Variants in ERBB4 observed in about 807,000 individuals in gnomAD.
ERBB4 encodes the protein erb-b2 receptor tyrosine kinase 4.
In ERBB4, 42 loss-of-function variants were observed where a neutral mutation model predicts 158.0. That is an observed-to-expected ratio of 0.27 (90% CI 0.21 to 0.34). ERBB4 has a LOEUF of 0.34. ERBB4 is among the 10% of genes least tolerant of loss of function. The pLI, the probability that ERBB4 is intolerant of heterozygous loss-of-function variation, is 1.00. For synonymous variants in ERBB4, 583 were observed against 558.7 expected, an observed-to-expected ratio of 1.04 and a Z score of -0.61; for missense variants, 1,333 against 1,624.1, an observed-to-expected ratio of 0.82 and a Z score of 3.08.
intron 19 of ERBB4, among the ~76,000 whole-genome samples, chr2:211,578,609 T>C (rs918229810): frequency 3.3e-5 from 5 of 152,204 alleles, no homozygotes; most frequent in Admixed American, 6.5e-5. Flanking sequence ...AACAGACACA[T>C]AGACCAATGG....
chr2:212,155,619 G>A (rs2081012629), intron 1 of ERBB4, among the ~76,000 whole-genome samples: 1 of 151,906 alleles, frequency 6.6e-6, no homozygotes, highest in Middle Eastern at 3.2e-3. Flanking sequence ...CTTAAACGGC[G>A]ACCACAGAAT....
chr2:212,149,567 T>C (rs754174703), intron 1 of ERBB4, among the ~76,000 whole-genome samples: 51 of 152,204 alleles, frequency 3.4e-4, no homozygotes, highest in Non-Finnish European at 5.3e-4. Flanking sequence ...CAGTAGCATA[T>C]GCAGTTAAAA....
intron 20 of ERBB4, among the ~76,000 whole-genome samples, chr2:211,512,932 T>TC (rs1397132944): frequency 6.6e-6 from 1 of 152,124 alleles, no homozygotes; most frequent in Non-Finnish European, 1.5e-5. Flanking sequence ...TAGAAATTAA[T>TC]CATTGACTGG....
intron 20 of ERBB4, among the ~76,000 whole-genome samples, chr2:211,509,439 C>T (rs955707640): frequency 6.6e-6 from 1 of 151,924 alleles, no homozygotes; most frequent in Non-Finnish European, 1.5e-5. Context: ...ATATACAAAA[C>T]GTAACTCAAG....
At chr2:211,764,644 G>A (rs2075503238) in intron 4 of ERBB4, among the ~76,000 whole-genome samples, 1 of 152,146 alleles carries the variant, frequency 6.6e-6, no homozygotes, top group South Asian at 2.1e-4. Flanking sequence ...TGGGTCTGGA[G>A]CCTAAAAATA....
intron 5 of ERBB4, among the ~76,000 whole-genome samples, chr2:211,734,334 G>C (rs1477152352): frequency 6.6e-6 from 1 of 152,028 alleles, no homozygotes. Context: ...GTTTTGATGA[G>C]GGTGAAGAAT....
At position 211,513,357 on chromosome 2, in the gene ERBB4, CAAAAAA is replaced by C. The variant is rs61042785; in HGVS notation, c.2487+48540_2487+48545del. On this transcript the variant is annotated intron_variant, in intron 20 of 27. Transcript: ENST00000342788. Reference sequence around the variant, plus strand: ...TGGGCGACAGAGCGAGACTCCGTCTCAAAAAAAAAAAAAAAAAAACAAAAAAAAAAC... The same window carrying C: ...TGGGCGACAGAGCGAGACTCCGTCTCAAAAAAAAAAAAACAAAAAAAAAAC... Among the ~76,000 whole-genome samples the C allele has an allele frequency of 1.8e-3, 71 of 39,198 alleles. 1 individual carries two copies. Among genetic ancestry groups the C allele is most frequent in the African/African-American group, 4.4e-3 (67 of 15,136 alleles). The allele number at this position is 39,198 out of a possible 152,430, so 25.7% of individuals were successfully genotyped here. A position where few individuals can be genotyped will look rare whatever the true frequency, so the allele number is the denominator to read the frequency against.
chr2:211,802,354 C>T (rs1232165051), intron 3 of ERBB4, among the ~76,000 whole-genome samples: 1 of 151,962 alleles, frequency 6.6e-6, no homozygotes, highest in African/African-American at 2.4e-5. Context: ...TCACCATTGT[C>T]ACATACATAT....
chr2:212,405,812 G>T (rs2091329497), intron 1 of ERBB4, among the ~76,000 whole-genome samples: 1 of 152,036 alleles, frequency 6.6e-6, no homozygotes, highest in South Asian at 2.1e-4. Flanking sequence ...AATTTCAGTT[G>T]TCTTTCAACT....
intron 3 of ERBB4, among the ~76,000 whole-genome samples, chr2:211,899,906 T>C (rs558815499): frequency 5.5e-4 from 84 of 152,248 alleles, no homozygotes; most frequent in African/African-American, 1.8e-3. Context: ...AAAATTAATA[T>C]CTAAAATTGG....
intron 5 of ERBB4, among the ~76,000 whole-genome samples, chr2:211,748,190 C>T (rs865810151): frequency 6.6e-6 from 1 of 151,784 alleles, no homozygotes; most frequent in Non-Finnish European, 1.5e-5. Flanking sequence ...ATAATCTATA[C>T]ACTGCATTTT....
At chr2:212,418,441 C>T (rs2105896880) in intron 1 of ERBB4, among the ~76,000 whole-genome samples, 1 of 151,540 alleles carries the variant, frequency 6.6e-6, no homozygotes, top group South Asian at 2.1e-4. Flanking sequence ...ATTGTGTGTT[C>T]TCCACCTGCT....
At chr2:211,831,013 A>T (rs1439239) in intron 3 of ERBB4, among the ~76,000 whole-genome samples, 123,393 of 151,632 alleles carry the variant, frequency 0.81, 50,460 homozygotes, top group Non-Finnish European at 0.86. Context: ...AAAAAATAAT[A>T]AAAAAAAACC....
chr2:211,406,543 G>A (rs1313005405), intron 25 of ERBB4, among the ~76,000 whole-genome samples: 1 of 152,040 alleles, frequency 6.6e-6, no homozygotes, highest in Admixed American at 6.6e-5. Flanking sequence ...CATCTTTAAT[G>A]TACTGAGTAC....
At chr2:211,839,281 C>T (rs1279967633) in intron 3 of ERBB4, among the ~76,000 whole-genome samples, 3 of 151,738 alleles carry the variant, frequency 2.0e-5, no homozygotes, top group Non-Finnish European at 2.9e-5. Flanking sequence ...TGTCACCCTT[C>T]ACGCTCATAT....
At chr2:212,239,086 C>T (rs1260164050) in intron 1 of ERBB4, among the ~76,000 whole-genome samples, 2 of 152,162 alleles carry the variant, frequency 1.3e-5, no homozygotes, top group Non-Finnish European at 2.9e-5. Flanking sequence ...TAGGGTCTTG[C>T]TCTGTTGCCC....
At chr2:211,456,513 G>C (rs2064384531) in intron 20 of ERBB4, among the ~76,000 whole-genome samples, 1 of 152,124 alleles carries the variant, frequency 6.6e-6, no homozygotes, top group Non-Finnish European at 1.5e-5. Context: ...ATTCAAAGAG[G>C]TCCTCATTAC....
rs199502257 is a variant in ERBB4 at position 212,129,741 on chromosome 2, AG to A, written c.83-4839del. Among the ~76,000 whole-genome samples the A allele has an allele frequency of 9.9e-3, 1,505 of 152,170 alleles. 18 individuals are homozygous for A. The highest frequency in any genetic ancestry group is 0.034 in the African/African-American group (1,421 of 41,556). ...TTTAGAAATATTTTTTGACAAAAAA[AG>A]ATCCTCCAAAAAACAAAATTAGATT... is the stretch of plus-strand genomic sequence containing the variant. On this transcript the variant is annotated intron_variant, in intron 1 of 27. Transcript: ENST00000342788.
At chr2:212,358,619 G>A (rs1253204418) in intron 1 of ERBB4, among the ~76,000 whole-genome samples, 2 of 151,542 alleles carry the variant, frequency 1.3e-5, no homozygotes, top group Non-Finnish European at 3.0e-5. Context: ...GGAAATTTTG[G>A]TGTATATATT....
Sources: allele counts gnomAD v4.1 joint callset (sites outside exome capture counted in the v4.1 genomes callset), GRCh38; gene constraint gnomAD v4.1.1; transcripts MANE v1.5; gene names NCBI Gene and HGNC (gene_info 2026-07-23, HGNC 2026-07-21).